Variants in DLG2 observed in about 807,000 individuals in gnomAD.
DLG2 encodes discs large MAGUK scaffold protein 2.
A neutral mutation model predicts 132.5 loss-of-function variants in DLG2; 45 were observed. That is an observed-to-expected ratio of 0.34 (90% confidence interval 0.27 to 0.44). The LOEUF (loss-of-function observed/expected upper bound fraction) is 0.44, where lower values mean the gene tolerates loss of function less well. Ranked by LOEUF, DLG2 falls within the 20% of genes least tolerant of loss-of-function variation. The probability of loss-of-function intolerance (pLI) is 1.00; values close to 1 mark genes in which losing one functional copy is unlikely to be tolerated. For synonymous variants in DLG2, 424 were observed against 419.6 expected (o/e 1.01, Z -0.13); for missense variants, 1,045 against 1,196.9 (o/e 0.87, Z 1.87).
intron 7 of DLG2, among the ~76,000 whole-genome samples, chr11:84,268,227 T>C (rs2097669489): frequency 6.6e-6 from 1 of 152,208 alleles, no homozygotes; most frequent in Admixed American, 6.5e-5. Context: ...TGGTTATCTT[T>C]CCTTTCCATC....
intron 6 of DLG2, among the ~76,000 whole-genome samples, chr11:84,842,502 A>C (rs2154009100): frequency 6.6e-6 from 1 of 152,100 alleles, no homozygotes. Flanking sequence ...GTTCCTAACT[A>C]CCACAAGCAG....
intron 11 of DLG2, among the ~76,000 whole-genome samples, chr11:84,026,565 GAC>G (rs2095540434): frequency 6.6e-6 from 1 of 151,776 alleles, no homozygotes; most frequent in Non-Finnish European, 1.5e-5. Context: ...GTACTGTAAA[GAC>G]ACATAATGTT....
intron 18 of DLG2, among the ~76,000 whole-genome samples, chr11:83,665,429 C>T (rs1369826522): frequency 6.6e-6 from 1 of 152,190 alleles, no homozygotes; most frequent in African/African-American, 2.4e-5. Context: ...AAACAGTCAA[C>T]TACAACATAG....
At chr11:83,698,539 G>A (rs2082308430) in intron 18 of DLG2, among the ~76,000 whole-genome samples, 1 of 152,110 alleles carries the variant, frequency 6.6e-6, no homozygotes, top group African/African-American at 2.4e-5. Context: ...AACCTAGCCT[G>A]GAAGGACCTC....
chr11:84,845,637 T>A (rs2081363177), intron 6 of DLG2, among the ~76,000 whole-genome samples: 2 of 151,692 alleles, frequency 1.3e-5, no homozygotes, highest in Non-Finnish European at 2.9e-5. Flanking sequence ...AACCCATCCT[T>A]CCCTATTGAA....
chr11:85,533,389 T>C (rs1391848012), intron 3 of DLG2, among the ~76,000 whole-genome samples: 1 of 150,916 alleles, frequency 6.6e-6, no homozygotes, highest in African/African-American at 2.4e-5. Context: ...TACTTGCTTT[T>C]TAAAATACAT....
At chr11:84,584,743 C>CAGT (rs2099525316) in intron 6 of DLG2, among the ~76,000 whole-genome samples, 1 of 118,306 alleles carries the variant, frequency 8.5e-6, no homozygotes, top group African/African-American at 3.3e-5. Flanking sequence ...GGCTGGAGTG[C>CAGT]AGTGGCGGGA....
intron 11 of DLG2, among the ~76,000 whole-genome samples, chr11:83,999,037 C>T (rs956416323): frequency 2.0e-5 from 3 of 152,108 alleles, no homozygotes; most frequent in East Asian, 3.9e-4. Flanking sequence ...TAAACATTCC[C>T]GCCTTGCCAG....
chr11:85,466,875 C>G (rs1249105796), intron 3 of DLG2, among the ~76,000 whole-genome samples: 1 of 152,128 alleles, frequency 6.6e-6, no homozygotes, highest in African/African-American at 2.4e-5. Flanking sequence ...ATGGGGATGG[C>G]ATTGAATCTA....
At chr11:84,964,470 CA>C (rs1442984846) in intron 6 of DLG2, among the ~76,000 whole-genome samples, 1 of 151,988 alleles carries the variant, frequency 6.6e-6, no homozygotes, top group Non-Finnish European at 1.5e-5. Flanking sequence ...CCACTAAGTC[CA>C]ATTCCATTTT....
chr11:83,980,816 T>C (rs946139632), intron 11 of DLG2, among the ~76,000 whole-genome samples, 174 bp from the exon 12 acceptor site: 2 of 152,308 alleles, frequency 1.3e-5, no homozygotes, highest in South Asian at 2.1e-4. Flanking sequence ...ATTTGAAGAA[T>C]TGTTAATGCA....
intron 7 of DLG2, among the ~76,000 whole-genome samples, chr11:84,378,753 AC>A (rs1234427305): frequency 1.3e-5 from 2 of 150,618 alleles, no homozygotes; most frequent in Non-Finnish European, 2.9e-5. Flanking sequence ...ACATGGTGAA[AC>A]CCTGTCTGTA....
At chr11:84,387,221 C>T (rs915082492) in intron 7 of DLG2, among the ~76,000 whole-genome samples, 1 of 151,940 alleles carries the variant, frequency 6.6e-6, no homozygotes, top group Admixed American at 6.6e-5. Flanking sequence ...AGTACCTTCC[C>T]CTTGAGTTGA....
chr11:83,514,843 C>T lies in DLG2; in HGVS notation c.2193+17865G>A, dbSNP rs1358930766. On this transcript the variant is annotated intron_variant, in intron 21 of 27. Transcript: ENST00000376104. ...ATGCTGGATTACGTTTATTGATTTG[C>T]GTATGTTGAACCAACCTTGCATCCC... Among the ~76,000 whole-genome samples, 11 of 152,088 alleles carry T rather than the reference C, an allele frequency of 7.2e-5. 1 individual carries two copies. Among genetic ancestry groups the T allele is most frequent in the South Asian group, 2.1e-4 (1 of 4,826 alleles).
At chr11:83,473,915 T>C (rs1164103097) in intron 22 of DLG2, among the ~76,000 whole-genome samples, 1 of 152,110 alleles carries the variant, frequency 6.6e-6, no homozygotes, top group Non-Finnish European at 1.5e-5. Context: ...AATATGTGGG[T>C]ATAGCTGCGA....
At chr11:85,133,584 T>A (rs2075904947) in intron 5 of DLG2, among the ~76,000 whole-genome samples, 1 of 152,172 alleles carries the variant, frequency 6.6e-6, no homozygotes, top group Admixed American at 6.5e-5. Flanking sequence ...CTTTTTTGTG[T>A]TTACCTATGT....
intron 6 of DLG2, among the ~76,000 whole-genome samples, chr11:84,991,823 T>C (rs1483528378): frequency 6.6e-6 from 1 of 152,178 alleles, no homozygotes; most frequent in Non-Finnish European, 1.5e-5. Context: ...AAATAATTTT[T>C]AATTAAAGCT....
chr11:84,209,073 A>T (rs950945886), intron 8 of DLG2, among the ~76,000 whole-genome samples: 1 of 152,196 alleles, frequency 6.6e-6, no homozygotes, highest in African/African-American at 2.4e-5. Context: ...TTGTCCCTTG[A>T]GAGAATCTGG....
chr11:84,744,180 C>T (rs925553775), intron 6 of DLG2, among the ~76,000 whole-genome samples: 2 of 152,086 alleles, frequency 1.3e-5, no homozygotes, highest in Non-Finnish European at 2.9e-5. Context: ...ACAACAACAA[C>T]AAGGACATAG....
Sources: gnomAD v4.1 joint callset for allele counts (sites outside exome capture counted in the v4.1 genomes callset) on GRCh38, gnomAD v4.1.1 for gene constraint, MANE v1.5 for transcripts, NCBI Gene and HGNC (gene_info 2026-07-23, HGNC 2026-07-21) for gene names.